The following PLCE1 variants were observed in gnomAD, a reference collection of about 807,000 sequenced individuals.
PLCE1 encodes 1-phosphatidylinositol 4,5-bisphosphate phosphodiesterase epsilon-1.
A neutral mutation model predicts 242.8 loss-of-function variants in PLCE1; 119 were observed. The observed-to-expected ratio is 0.49, with a 90% CI of 0.42 to 0.57. The LOEUF is 0.57. Ranked by LOEUF, PLCE1 falls within the 20% of genes least tolerant of loss-of-function variation. PLCE1 has a pLI of 0.00. For missense variants in PLCE1, 2,441 were observed against 2,788.8 expected, an observed-to-expected ratio of 0.88 and a Z score of 2.81; for synonymous variants, 945 against 1,017.4, an observed-to-expected ratio of 0.93 and a Z score of 1.35.
intron 18 of PLCE1, among the ~76,000 whole-genome samples, chr10:94,271,335 G>A (rs1396998940): frequency 1.0e-5 from 1 of 99,546 alleles, no homozygotes; most frequent in Admixed American, 1.3e-4. Flanking sequence ...TTTTTTTTGC[G>A]ATGGAGTCTC....
Position 94,283,896 on chromosome 10 carries a change from T to C in PLCE1, c.4902T>C (p.Ala1634=), listed in dbSNP as rs886038624. ...GGATAAAGAAAGCAGATAACTCTGC[T>C]TGCAACAAAGGAAAGGTGGGTGAAC... is the stretch of plus-strand genomic sequence containing the variant. ...PKRIKKADNS[A]CNKGKVYDME... The change falls in exon 21 of 33, where the codon GCT becomes GCC. Residue 1634 remains alanine, a synonymous_variant. Transcript: ENST00000371380. The C allele has an allele frequency of 6.2e-7, 1 of 1,611,802 alleles. No homozygotes were observed. The highest frequency in any genetic ancestry group is 2.2e-5 in the East Asian group (1 of 44,794).
At chr10:94,040,802 G>C (rs2061751258) in intron 2 of PLCE1, among the ~76,000 whole-genome samples, 3 of 151,948 alleles carry the variant, frequency 2.0e-5, no homozygotes, top group Admixed American at 6.6e-5. Flanking sequence ...GCTAAGAGTG[G>C]CTTCTGCATT....
chr10:94,140,974 A>C (rs1462416047), intron 3 of PLCE1, among the ~76,000 whole-genome samples: 2 of 152,272 alleles, frequency 1.3e-5, no homozygotes, highest in African/African-American at 4.8e-5. Flanking sequence ...AGAATGGAGA[A>C]GATCACATCT....
intron 4 of PLCE1, among the ~76,000 whole-genome samples, chr10:94,204,791 GAAGGAAGGAAGC>G (rs57842516): frequency 0.21 from 27,543 of 128,842 alleles, 3,411 homozygotes; most frequent in Non-Finnish European, 0.28. Context: ...AGGAAGGAAG[GAAGGAAGGAAGC>G]AAAATAATGT....
intron 1 of PLCE1, among the ~76,000 whole-genome samples, chr10:93,998,653 A>G (rs1026755572): frequency 6.6e-5 from 10 of 152,180 alleles, no homozygotes; most frequent in African/African-American, 2.4e-5. Flanking sequence ...GAGTGCTCAA[A>G]GTTAACTACT....
At chr10:94,062,327 T>C (rs1457093768) in intron 2 of PLCE1, among the ~76,000 whole-genome samples, 3 of 152,122 alleles carry the variant, frequency 2.0e-5, no homozygotes, top group Non-Finnish European at 2.9e-5. Flanking sequence ...GTTGCCCAGA[T>C]TGGAGTGCAG....
chr10:94,013,828 C>T lies in PLCE1; in HGVS notation c.-364-16855C>T, dbSNP rs193009753. Among the ~76,000 whole-genome samples, 8 of 152,254 alleles carry T rather than the reference C, an allele frequency of 5.3e-5. No homozygotes were observed. The East Asian group carries it at 9.7e-4, about 18-fold the overall frequency. On this transcript the variant is annotated intron_variant, in intron 1 of 32. Coordinates refer to ENST00000371380, the MANE Select transcript of PLCE1 (RefSeq NM_016341.4). ...CTTTCTAAGGAGATGACATTTGAGC[C>T]GAAATCGGAATGGCCTGAAGTACTT...
intron 4 of PLCE1, among the ~76,000 whole-genome samples, chr10:94,201,073 G>T (rs908006235): frequency 6.6e-6 from 1 of 152,130 alleles, no homozygotes; most frequent in African/African-American, 2.4e-5. Flanking sequence ...AACCAATAAA[G>T]TTAATTTAGT....
intron 1 of PLCE1, among the ~76,000 whole-genome samples, chr10:94,027,260 A>G (rs2061466173): frequency 1.3e-5 from 2 of 152,206 alleles, no homozygotes; most frequent in South Asian, 4.1e-4. Context: ...AATGCAGATT[A>G]TAGCTCTATT....
intron 2 of PLCE1, chr10:94,105,890 T>G (rs928732929): frequency 3.3e-5 from 5 of 152,208 alleles, no homozygotes; most frequent in Non-Finnish European, 7.3e-5. Context: ...ACTTATTGAG[T>G]GTTTATGCCA....
chr10:94,137,440 G>A (rs1026827886), intron 3 of PLCE1, among the ~76,000 whole-genome samples: 9 of 152,186 alleles, frequency 5.9e-5, no homozygotes, highest in Admixed American at 5.9e-4. Context: ...TGATGGTAAT[G>A]TGAAGTACTA....
intron 2 of PLCE1, among the ~76,000 whole-genome samples, chr10:94,048,662 A>G (rs1191607188): frequency 1.4e-5 from 2 of 147,274 alleles, no homozygotes. Context: ...ATATGTGCAT[A>G]TATACATATA....
intron 1 of PLCE1, among the ~76,000 whole-genome samples, chr10:94,019,057 A>G (rs2061329749): frequency 6.6e-6 from 1 of 152,204 alleles, no homozygotes; most frequent in Admixed American, 6.5e-5. Flanking sequence ...CTACTTTTTG[A>G]GAGACTGCTA....
intron 4 of PLCE1, among the ~76,000 whole-genome samples, chr10:94,191,664 G>GA (rs948287667): frequency 2.0e-5 from 3 of 151,844 alleles, no homozygotes; most frequent in Admixed American, 6.6e-5. Context: ...GGGGGATAAG[G>GA]AAAAAAAGAA....
chr10:94,318,172 A>T (rs1184533048), intron 29 of PLCE1, among the ~76,000 whole-genome samples: 1 of 152,186 alleles, frequency 6.6e-6, no homozygotes, highest in Non-Finnish European at 1.5e-5. Context: ...AAAAAATGTA[A>T]TTGTCTCCCC....
chr10:94,297,858 T>A (rs1266265533), intron 23 of PLCE1, among the ~76,000 whole-genome samples: 1 of 152,182 alleles, frequency 6.6e-6, no homozygotes, highest in East Asian at 1.9e-4. Context: ...TGGTTTGGTT[T>A]GATTTTGTTG....
At chr10:94,153,490 T>C (rs2047335817) in intron 3 of PLCE1, among the ~76,000 whole-genome samples, 1 of 152,098 alleles carries the variant, frequency 6.6e-6, no homozygotes, top group South Asian at 2.1e-4. Flanking sequence ...GACTAAAAAC[T>C]TTCCGCCTAA....
intron 18 of PLCE1, among the ~76,000 whole-genome samples, chr10:94,272,947 T>A (rs1283835760): frequency 6.6e-6 from 1 of 152,098 alleles, no homozygotes; most frequent in Non-Finnish European, 1.5e-5. Flanking sequence ...ACACCTGTAA[T>A]CCTAGCACTT....
chr10:94,154,369 T>C (rs1233501196), intron 3 of PLCE1, among the ~76,000 whole-genome samples: 1 of 152,024 alleles, frequency 6.6e-6, no homozygotes, highest in Non-Finnish European at 1.5e-5. Flanking sequence ...ATAAAACTCA[T>C]AGAAAATATA....
Sources: allele counts gnomAD v4.1 joint callset (sites outside exome capture counted in the v4.1 genomes callset), GRCh38; gene constraint gnomAD v4.1.1; transcripts MANE v1.5; gene names NCBI Gene and HGNC (gene_info 2026-07-23, HGNC 2026-07-21).